LRFN2: variants seen among roughly 807,000 people sequenced by gnomAD.
LRFN2 encodes leucine-rich repeat and fibronectin type-III domain-containing protein 2.
Under a neutral mutation model 37.3 loss-of-function variants are expected in LRFN2, and 18 were observed. The observed-to-expected ratio is 0.48, with a 90% CI of 0.33 to 0.72. The LOEUF is 0.72. LRFN2 is among the 30% of genes least tolerant of loss of function. The probability of loss-of-function intolerance (pLI) is 0.02; values close to 1 mark genes in which losing one functional copy is unlikely to be tolerated. For missense variants in LRFN2, 1,006 were observed against 1,060.7 expected (o/e 0.95, Z 0.72); for synonymous variants, 556 against 466.6 (o/e 1.19, Z -2.47).
At chr6:40,488,403 C>G (rs898822368) in intron 1 of LRFN2, among the ~76,000 whole-genome samples, 2 of 151,964 alleles carry the variant, frequency 1.3e-5, no homozygotes, top group Non-Finnish European at 2.9e-5. Flanking sequence ...TTCCTGGCAC[C>G]AGCACCCCCA....
chr6:40,461,983 A>T (rs1764357757), intron 1 of LRFN2, among the ~76,000 whole-genome samples: 1 of 152,218 alleles, frequency 6.6e-6, no homozygotes, highest in Non-Finnish European at 1.5e-5. Flanking sequence ...TAAGATCACA[A>T]GTCTTGCTGG....
At chr6:40,411,191 C>A (rs1255393872) in intron 2 of LRFN2, among the ~76,000 whole-genome samples, 2 of 152,244 alleles carry the variant, frequency 1.3e-5, no homozygotes, top group Non-Finnish European at 2.9e-5. Context: ...TCTCCTCCCT[C>A]TCCTGCTCCA....
At chr6:40,463,968 G>A (rs963905869) in intron 1 of LRFN2, among the ~76,000 whole-genome samples, 1 of 152,014 alleles carries the variant, frequency 6.6e-6, no homozygotes, top group Non-Finnish European at 1.5e-5. Context: ...TTTCCACCTT[G>A]AACAATGACC....
chr6:40,552,830 T>G (rs1181439954), intron 1 of LRFN2, among the ~76,000 whole-genome samples: 1 of 152,214 alleles, frequency 6.6e-6, no homozygotes, highest in Non-Finnish European at 1.5e-5. Flanking sequence ...TAAGCATCCT[T>G]TAAAAAAATC....
intron 1 of LRFN2, among the ~76,000 whole-genome samples, chr6:40,513,464 C>T (rs937350256): frequency 9.2e-5 from 14 of 152,064 alleles, no homozygotes; most frequent in African/African-American, 1.9e-4. Context: ...GAACACCTCA[C>T]GTCAAGTGAT....
At chr6:40,423,416 C>A (rs1456564364) in intron 2 of LRFN2, among the ~76,000 whole-genome samples, 1 of 152,174 alleles carries the variant, frequency 6.6e-6, no homozygotes, top group African/African-American at 2.4e-5. Flanking sequence ...AACCAGTATG[C>A]CGCTGTTAAC....
chr6:40,530,723 T>C (rs1229261848), intron 1 of LRFN2, among the ~76,000 whole-genome samples: 2 of 152,078 alleles, frequency 1.3e-5, no homozygotes, highest in Non-Finnish European at 2.9e-5. Context: ...CCCGCTCTAC[T>C]GATGGCCCTC....
chr6:40,442,996 T>G (rs1465701869), intron 1 of LRFN2, among the ~76,000 whole-genome samples: 1 of 150,098 alleles, frequency 6.7e-6, no homozygotes, highest in Non-Finnish European at 1.5e-5. Context: ...TATTTAATCT[T>G]AGGATTCTAA....
At chr6:40,461,617 G>T (rs1289234404) in intron 1 of LRFN2, among the ~76,000 whole-genome samples, 1 of 145,960 alleles carries the variant, frequency 6.9e-6, no homozygotes, top group African/African-American at 2.5e-5. Flanking sequence ...CTTCAACAGA[G>T]CCTATATTAT....
chr6:40,433,115 G>A lies in LRFN2; in HGVS notation c.-2C>T, dbSNP rs1763555423. On this transcript the variant is annotated 5_prime_UTR_variant, in exon 2 of 3. Transcript: ENST00000338305. ...CAGGCCACCAAGCAGGGTCTCCATG[G>A]TCTGGTCACTCAGCGCCTGGAAGGG... 1.3e-6 allele frequency: 2 copies of A among 1,519,436 alleles called. No homozygotes were observed. Among genetic ancestry groups the A allele is most frequent in the East Asian group, 2.3e-5 (1 of 44,068 alleles). 94.1% of individuals were successfully genotyped at this position (1,519,436 alleles called of 1,614,324 possible). A position where few individuals can be genotyped will look rare whatever the true frequency, so the allele number is the denominator to read the frequency against.
intron 1 of LRFN2, among the ~76,000 whole-genome samples, chr6:40,559,926 C>T (rs1310877451): frequency 6.6e-6 from 1 of 152,136 alleles, no homozygotes. Flanking sequence ...TCTTCCGTTC[C>T]CAGGCACAGT....
At position 40,549,781 on chromosome 6, in the gene LRFN2, T is replaced by C. The variant is rs140489560; in HGVS notation, c.-19+37160A>G. 1.1e-4 allele frequency among the ~76,000 whole-genome samples: 17 copies of C among 152,252 alleles called. No individual in the cohort carries two copies. In the East Asian group the frequency reaches 2.3e-3, roughly 21 times the overall value. On this transcript the variant is annotated intron_variant, in intron 1 of 2. Coordinates refer to ENST00000338305, the MANE Select transcript of LRFN2 (RefSeq NM_020737.3). ...TGCCAGGAGTGGTGGCTCACACCTG[T>C]AATCCCAGCACTTTGGGAGGCCGAG...
At chr6:40,499,922 C>G (rs1295716864) in intron 1 of LRFN2, among the ~76,000 whole-genome samples, 1 of 152,208 alleles carries the variant, frequency 6.6e-6, no homozygotes, top group Non-Finnish European at 1.5e-5. Context: ...GCACCTACCT[C>G]ACAAGGCCGT....
intron 1 of LRFN2, among the ~76,000 whole-genome samples, chr6:40,526,637 C>T (rs1398763510): frequency 6.6e-6 from 1 of 152,206 alleles, no homozygotes; most frequent in Non-Finnish European, 1.5e-5. Flanking sequence ...TCCCCAAGAG[C>T]TCAGCAATGT....
chr6:40,391,787 T>C lies in LRFN2; in HGVS notation c.*156A>G. 1 of 639,376 alleles carries C rather than the reference T, an allele frequency of 1.6e-6. No homozygotes were observed. The highest frequency in any genetic ancestry group is 3.4e-5 in the South Asian group (1 of 29,100). 39.6% of individuals were successfully genotyped at this position (639,376 alleles called of 1,614,324 possible). A position where few individuals can be genotyped will look rare whatever the true frequency, so the allele number is the denominator to read the frequency against. Reference sequence around the variant, plus strand: ...CCGGGTGGTGGGGAGGTGATGTGGGTGTTGCGGGGTAGGGGGGGACACGAG... The same window carrying C: ...CCGGGTGGTGGGGAGGTGATGTGGGCGTTGCGGGGTAGGGGGGGACACGAG... On this transcript the variant is annotated 3_prime_UTR_variant, in exon 3 of 3. Coordinates refer to ENST00000338305, the MANE Select transcript of LRFN2 (RefSeq NM_020737.3).
rs1375688219 is a variant in LRFN2 at position 40,587,094 on chromosome 6, C to T, written c.-172G>A. The T allele has an allele frequency of 2.6e-5, 4 of 152,216 alleles. No individual in the cohort carries two copies. Among genetic ancestry groups the T allele is most frequent in the Non-Finnish European group, 5.9e-5 (4 of 68,052 alleles). 9.4% of individuals were successfully genotyped at this position (152,216 alleles called of 1,614,324 possible). ...TCCGGCGAATGCAGGCAGATGGTGGCCTCGGACGTCCACGCGGGGAAAGCC... is the reference window on the plus strand; with the variant it reads ...TCCGGCGAATGCAGGCAGATGGTGGTCTCGGACGTCCACGCGGGGAAAGCC... On this transcript the variant is annotated 5_prime_UTR_variant, in exon 1 of 3. Transcript: ENST00000338305. The surrounding 1 kb of genome is among the most constrained non-coding windows in gnomAD (Gnocchi z 4.2).
chr6:40,585,491 C>T (rs1309718361), intron 1 of LRFN2, among the ~76,000 whole-genome samples: 1 of 152,112 alleles, frequency 6.6e-6, no homozygotes, highest in African/African-American at 2.4e-5. Context: ...CTCTGATGTA[C>T]CCCACAAGGA....
intron 1 of LRFN2, among the ~76,000 whole-genome samples, chr6:40,456,854 C>T (rs1018001260): frequency 2.6e-5 from 4 of 152,160 alleles, no homozygotes; most frequent in African/African-American, 9.7e-5. Context: ...GAACCAGCCT[C>T]AGAGGCAGCC....
At chr6:40,498,532 G>T (rs920923610) in intron 1 of LRFN2, among the ~76,000 whole-genome samples, 1 of 152,158 alleles carries the variant, frequency 6.6e-6, no homozygotes, top group African/African-American at 2.4e-5. Flanking sequence ...AAAGCATGTA[G>T]ACTTGCTCCC....
Sources: allele counts gnomAD v4.1 joint callset (sites outside exome capture counted in the v4.1 genomes callset), GRCh38; gene constraint gnomAD v4.1.1; non-coding constraint Gnocchi (gnomAD v3.1); transcripts MANE v1.5; gene names NCBI Gene and HGNC (gene_info 2026-07-23, HGNC 2026-07-21).